The following TMCC1 variants were observed in gnomAD, a reference collection of about 807,000 sequenced individuals.
TMCC1 encodes transmembrane and coiled-coil domain family 1, also known as transmembrane and coiled-coil domains protein 1.
Under a neutral mutation model 52.4 loss-of-function variants are expected in TMCC1, and 15 were observed. The ratio of observed to expected loss-of-function variants is 0.29; its 90% CI spans 0.19 to 0.44. The LOEUF is 0.44. Ranked by LOEUF, TMCC1 falls within the 20% of genes least tolerant of loss-of-function variation. TMCC1 has a pLI of 1.00. For missense variants in TMCC1, 503 were observed against 806.0 expected (o/e 0.62, Z 4.55); for synonymous variants, 279 against 301.9 (o/e 0.92, Z 0.79).
intron 4 of TMCC1, among the ~76,000 whole-genome samples, chr3:129,795,857 A>G (rs2056788716): frequency 6.6e-6 from 1 of 152,228 alleles, no homozygotes; most frequent in African/African-American, 2.4e-5. Context: ...TTTGGTCATC[A>G]GATCGACTGT....
At chr3:129,796,980 T>C (rs1267624451) in intron 4 of TMCC1, among the ~76,000 whole-genome samples, 1 of 152,204 alleles carries the variant, frequency 6.6e-6, no homozygotes, top group African/African-American at 2.4e-5. Context: ...TCGTATCATA[T>C]ACTACCAGTA....
intron 1 of TMCC1, among the ~76,000 whole-genome samples, chr3:129,887,085 G>A (rs901341049): frequency 6.6e-6 from 1 of 152,162 alleles, no homozygotes; most frequent in African/African-American, 2.4e-5. Context: ...ATAGGTATGG[G>A]GTTTCTTTTT....
At chr3:129,803,025 A>AGAGCAT (rs2057280745) in intron 4 of TMCC1, among the ~76,000 whole-genome samples, 2 of 152,250 alleles carry the variant, frequency 1.3e-5, no homozygotes, top group Non-Finnish European at 2.9e-5. Flanking sequence ...TAAGGGCAAG[A>AGAGCAT]GAGCATGCAC....
rs1239545927 is a variant in TMCC1 at position 129,838,311 on chromosome 3, C to T, written c.-183-5485G>A. On this transcript the variant is annotated intron_variant, in intron 2 of 6. Coordinates refer to ENST00000393238, the MANE Select transcript of TMCC1 (RefSeq NM_001017395.5). ...GTCCCAGCTACTTGAGAAGCCTGGGCCCTGGGAGGACTGCTTGGGCCCTGG... is the reference window on the plus strand; with the variant it reads ...GTCCCAGCTACTTGAGAAGCCTGGGTCCTGGGAGGACTGCTTGGGCCCTGG... 3.9e-5 allele frequency among the ~76,000 whole-genome samples: 6 copies of T among 152,122 alleles called. No individual in the cohort carries two copies. The East Asian group carries it at 1.2e-3, about 29-fold the overall frequency.
intron 4 of TMCC1, among the ~76,000 whole-genome samples, chr3:129,814,515 T>C (rs1348615610): frequency 6.6e-6 from 1 of 152,068 alleles, no homozygotes; most frequent in Non-Finnish European, 1.5e-5. Flanking sequence ...ACAACCAGAA[T>C]ATGCAATAAA....
intron 4 of TMCC1, among the ~76,000 whole-genome samples, chr3:129,765,003 T>C (rs568491374): frequency 2.9e-3 from 445 of 150,958 alleles, no homozygotes; most frequent in Non-Finnish European, 5.1e-3. Context: ...GGTCTTACTA[T>C]ATTGCCCAGG....
intron 4 of TMCC1, among the ~76,000 whole-genome samples, chr3:129,732,173 G>T (rs187882320): frequency 6.6e-6 from 1 of 152,252 alleles, no homozygotes; most frequent in East Asian, 1.9e-4. Context: ...CAGTGATGTA[G>T]CCAGTGAATA....
chr3:129,837,424 T>C lies in TMCC1; in HGVS notation c.-183-4598A>G, dbSNP rs78655505. Among the ~76,000 whole-genome samples the C allele has an allele frequency of 3.0e-3, 464 of 152,286 alleles. 3 individuals carry two copies. The highest frequency in any genetic ancestry group is 0.01 in the African/African-American group (425 of 41,572). On this transcript the variant is annotated intron_variant, in intron 2 of 6. Coordinates refer to ENST00000393238, the MANE Select transcript of TMCC1 (RefSeq NM_001017395.5). ...TATTACTGGGAAAATTTGAAGCCTC[T>C]AGTTCCCATGGCAACAATAAATGTC...
At chr3:129,746,503 A>G (rs1366023099) in intron 4 of TMCC1, among the ~76,000 whole-genome samples, 1 of 152,090 alleles carries the variant, frequency 6.6e-6, no homozygotes, top group South Asian at 2.1e-4. Flanking sequence ...TGTGTAATAT[A>G]AAGTATTACA....
At chr3:129,824,654 C>T (rs755675197) in intron 4 of TMCC1, among the ~76,000 whole-genome samples, 5 of 149,418 alleles carry the variant, frequency 3.3e-5, no homozygotes, top group Non-Finnish European at 6.1e-5. Context: ...AGTTTTGCTA[C>T]GTAAAGTATC....
At chr3:129,870,841 T>A (rs1187034167) in intron 2 of TMCC1, among the ~76,000 whole-genome samples, 2 of 150,432 alleles carry the variant, frequency 1.3e-5, no homozygotes, top group East Asian at 2.0e-4. Flanking sequence ...ATTTAGATTA[T>A]CCCTGTCCTT....
intron 4 of TMCC1, among the ~76,000 whole-genome samples, chr3:129,721,704 C>CAAAAAAAA (rs765601986): frequency 3.7e-3 from 280 of 75,916 alleles, no homozygotes; most frequent in Middle Eastern, 7.6e-3. Flanking sequence ...ACTAAAAATA[C>CAAAAAAAA]AAAAAAAAAA....
At chr3:129,736,972 C>A (rs1231940982) in intron 4 of TMCC1, among the ~76,000 whole-genome samples, 1 of 152,222 alleles carries the variant, frequency 6.6e-6, no homozygotes, top group East Asian at 1.9e-4. Flanking sequence ...ATATTTGCTT[C>A]ACTTTCACAC....
At chr3:129,786,974 TAA>T (rs1429484128) in intron 4 of TMCC1, among the ~76,000 whole-genome samples, 1 of 152,346 alleles carries the variant, frequency 6.6e-6, no homozygotes, top group Non-Finnish European at 1.5e-5. Flanking sequence ...GCCCATTCAT[TAA>T]AGTCTTGAAT....
intron 4 of TMCC1, among the ~76,000 whole-genome samples, chr3:129,786,813 T>G (rs1414881322): frequency 6.6e-6 from 1 of 152,216 alleles, no homozygotes; most frequent in East Asian, 1.9e-4. Flanking sequence ...TTTCAAGGAA[T>G]GTCTGTTTTC....
chr3:129,873,313 A>G (rs73206273), intron 2 of TMCC1, among the ~76,000 whole-genome samples: 86 of 151,964 alleles, frequency 5.7e-4, no homozygotes, highest in Admixed American at 2.4e-3. Flanking sequence ...GTGTGGACAT[A>G]CGAAAAACCC....
chr3:129,837,517 C>G (rs1038390043), intron 2 of TMCC1, among the ~76,000 whole-genome samples: 2 of 152,136 alleles, frequency 1.3e-5, no homozygotes, highest in African/African-American at 4.8e-5. Flanking sequence ...TAACACAAAT[C>G]TCCACCCTAA....
intron 4 of TMCC1, among the ~76,000 whole-genome samples, chr3:129,674,117 C>G (rs568749334): frequency 6.6e-6 from 1 of 152,340 alleles, no homozygotes; most frequent in East Asian, 1.9e-4. Context: ...TGTAAGCACA[C>G]TCAGCGATGT....
At chr3:129,692,584 C>G (rs567165282) in intron 4 of TMCC1, among the ~76,000 whole-genome samples, 1 of 152,122 alleles carries the variant, frequency 6.6e-6, no homozygotes, top group South Asian at 2.1e-4. Context: ...TATAGAAAGT[C>G]TGCTATGTGT....
Sources: gnomAD v4.1 joint callset for allele counts (sites outside exome capture counted in the v4.1 genomes callset) on GRCh38, gnomAD v4.1.1 for gene constraint, MANE v1.5 for transcripts, NCBI Gene and HGNC (gene_info 2026-07-23, HGNC 2026-07-21) for gene names.